KAZN: variants seen among roughly 807,000 people sequenced by gnomAD.
KAZN encodes kazrin, periplakin interacting protein.
KAZN carries 40 observed loss-of-function variants against 87.4 expected under a neutral mutation model. The ratio of observed to expected loss-of-function variants is 0.46; its 90% CI spans 0.36 to 0.60. The LOEUF (loss-of-function observed/expected upper bound fraction) is 0.60. Ranked by LOEUF, KAZN falls within the 20% of genes least tolerant of loss-of-function variation. KAZN has a pLI of 0.00. For missense variants in KAZN, 898 were observed against 1,073.9 expected, an observed-to-expected ratio of 0.84 and a Z score of 2.29; for synonymous variants, 466 against 458.3, an observed-to-expected ratio of 1.02 and a Z score of -0.22.
chr1:14,810,469 G>T (rs1444604101), intron 1 of KAZN, among the ~76,000 whole-genome samples: 1 of 152,106 alleles, frequency 6.6e-6, no homozygotes, highest in African/African-American at 2.4e-5. Flanking sequence ...GTGAGGTTTA[G>T]CAAATGTCAG....
chr1:14,378,948 A>G (rs1027905586), intron 2 of KAZN, among the ~76,000 whole-genome samples: 1 of 151,302 alleles, frequency 6.6e-6, no homozygotes, highest in Non-Finnish European at 1.5e-5. Flanking sequence ...CCCCCGCCAA[A>G]CCGAGGCTGC....
intron 1 of KAZN, among the ~76,000 whole-genome samples, chr1:14,884,307 G>T (rs889750845): frequency 1.3e-5 from 2 of 152,030 alleles, no homozygotes; most frequent in Non-Finnish European, 2.9e-5. Context: ...CAGGAGAATC[G>T]CTTGAACCCG....
chr1:14,030,635 TAC>T (rs60838104), intron 1 of KAZN, among the ~76,000 whole-genome samples: 15,036 of 144,920 alleles, frequency 0.1, 776 homozygotes, highest in African/African-American at 0.13. Flanking sequence ...TGTACACAGA[TAC>T]ACACACACAC....
At chr1:14,947,387 C>T (rs1162237727) in intron 1 of KAZN, among the ~76,000 whole-genome samples, 3 of 152,182 alleles carry the variant, frequency 2.0e-5, no homozygotes, top group South Asian at 2.1e-4. Flanking sequence ...CTGGGTACCT[C>T]CCTTCAGGAG....
intron 2 of KAZN, among the ~76,000 whole-genome samples, chr1:14,549,474 T>C (rs1013029646): frequency 6.6e-6 from 1 of 152,160 alleles, no homozygotes; most frequent in Non-Finnish European, 1.5e-5. Flanking sequence ...TATCCATACC[T>C]GTGGCCCAGA....
chr1:13,985,409 A>G (rs1409248483), intron 1 of KAZN, among the ~76,000 whole-genome samples: 1 of 151,462 alleles, frequency 6.6e-6, no homozygotes, highest in Non-Finnish European at 1.5e-5. Flanking sequence ...CTTTGTAGGG[A>G]CATGGATGAA....
intron 2 of KAZN, among the ~76,000 whole-genome samples, chr1:14,372,787 A>G (rs2101021762): frequency 6.6e-6 from 1 of 152,358 alleles, no homozygotes; most frequent in South Asian, 2.1e-4. Flanking sequence ...CTCACAATAC[A>G]TGTATTCAGT....
intron 1 of KAZN, among the ~76,000 whole-genome samples, chr1:14,177,960 A>G (rs1041510864): frequency 6.6e-6 from 1 of 152,186 alleles, no homozygotes; most frequent in Non-Finnish European, 1.5e-5. Flanking sequence ...CCCCACACAA[A>G]TATCTTGAAT....
intron 2 of KAZN, among the ~76,000 whole-genome samples, chr1:14,245,116 A>T (rs191065594): frequency 2.0e-5 from 3 of 152,018 alleles, no homozygotes; most frequent in Admixed American, 2.0e-4. Context: ...GCCCACCACC[A>T]CGCCTGGCTG....
At chr1:14,747,139 G>A (rs1018598682) in intron 1 of KAZN, among the ~76,000 whole-genome samples, 1 of 152,120 alleles carries the variant, frequency 6.6e-6, no homozygotes, top group Non-Finnish European at 1.5e-5. Context: ...AGATTCATCA[G>A]TGCGGTAGCA....
chr1:14,642,256 C>T (rs1680462474), intron 1 of KAZN, among the ~76,000 whole-genome samples: 1 of 152,078 alleles, frequency 6.6e-6, no homozygotes. Flanking sequence ...AAAAATTAGC[C>T]AGGCGTGGTG....
intron 2 of KAZN, among the ~76,000 whole-genome samples, chr1:14,439,754 G>T (rs1254253079): frequency 6.6e-6 from 1 of 152,152 alleles, no homozygotes; most frequent in African/African-American, 2.4e-5. Flanking sequence ...AACATGAGTG[G>T]GTCCCTTCAT....
chr1:14,638,127 G>A (rs1414512347), intron 1 of KAZN, among the ~76,000 whole-genome samples: 1 of 152,112 alleles, frequency 6.6e-6, no homozygotes, highest in Non-Finnish European at 1.5e-5. Flanking sequence ...TTAGACCAGG[G>A]CCCACCCTCA....
chr1:13,933,684 A>G (rs754279445), intron 1 of KAZN, among the ~76,000 whole-genome samples: 27 of 152,204 alleles, frequency 1.8e-4, no homozygotes, highest in Admixed American at 1.3e-3. Flanking sequence ...CTGAATGGTC[A>G]TTTTAATGGT....
chr1:14,866,151 C>G (rs1391593829), intron 1 of KAZN, among the ~76,000 whole-genome samples: 1 of 139,222 alleles, frequency 7.2e-6, no homozygotes, highest in East Asian at 2.6e-4. Context: ...CCTGCTGTTC[C>G]CTCTGCCTGG....
intron 1 of KAZN, among the ~76,000 whole-genome samples, chr1:14,742,715 C>T (rs1271487549): frequency 1.3e-5 from 2 of 152,334 alleles, no homozygotes; most frequent in Non-Finnish European, 2.9e-5. Flanking sequence ...AACACTCTTG[C>T]TTTTGAATTG....
At chr1:14,507,531 C>T (rs1394351659) in intron 2 of KAZN, among the ~76,000 whole-genome samples, 2 of 152,138 alleles carry the variant, frequency 1.3e-5, no homozygotes, top group Non-Finnish European at 2.9e-5. Flanking sequence ...TCAGTGCATC[C>T]GCCAGGGATC....
intron 2 of KAZN, among the ~76,000 whole-genome samples, chr1:15,030,371 G>A (rs1351940593): frequency 1.3e-5 from 2 of 152,154 alleles, no homozygotes; most frequent in African/African-American, 2.4e-5. Context: ...GGGTTCAAGC[G>A]ATTCTTGTGC....
intron 1 of KAZN, among the ~76,000 whole-genome samples, chr1:14,698,169 C>CT (rs1243828282): frequency 6.6e-6 from 1 of 152,158 alleles, no homozygotes; most frequent in Admixed American, 6.5e-5. Flanking sequence ...AAATTAGTGA[C>CT]TTTTTTGGTC....
Sources: gnomAD v4.1 joint callset for allele counts (sites outside exome capture counted in the v4.1 genomes callset) on GRCh38, gnomAD v4.1.1 for gene constraint, MANE v1.5 for transcripts, NCBI Gene and HGNC (gene_info 2026-07-23, HGNC 2026-07-21) for gene names.